The following MBTPS2 variants were observed in gnomAD, a reference collection of about 807,000 sequenced individuals.
The protein encoded by MBTPS2 is membrane-bound transcription factor site-2 protease.
MBTPS2 carries 2 observed loss-of-function variants against 35.4 expected under a neutral mutation model. The ratio of observed to expected loss-of-function variants is 0.06; its 90% confidence interval spans 0.02 to 0.18. The LOEUF is 0.18. Among genes scored for constraint, MBTPS2 ranks in the 10% least tolerant of loss-of-function variants. MBTPS2 has a pLI of 1.00. For synonymous variants in MBTPS2, 125 were observed against 140.4 expected, an observed-to-expected ratio of 0.89 and a Z score of 0.77; for missense variants, 244 against 386.5, an observed-to-expected ratio of 0.63 and a Z score of 3.09.
chrX:21,862,704 T>G (rs374166593), intron 5 of MBTPS2, among the ~76,000 whole-genome samples: 17 of 102,043 alleles, frequency 1.7e-4, no homozygotes, highest in African/African-American at 6.0e-4. Flanking sequence ...CCAGCTACTC[T>G]GGAGGCTGAG....
At chrX:21,862,968 A>AT (rs1569325859) in intron 5 of MBTPS2, among the ~76,000 whole-genome samples, 26 of 67,095 alleles carry the variant, frequency 3.9e-4, no homozygotes, top group African/African-American at 9.3e-4. Context: ...ATATATATAT[A>AT]AAACCGACTG....
At chrX:21,869,947 G>A in intron 7 of MBTPS2, 1 of 288,119 alleles carries the variant, frequency 3.5e-6, no homozygotes, top group Non-Finnish European at 6.2e-6. Context: ...CAAAACACTT[G>A]TATTAAATCA....
Position 21,883,706 on chromosome X carries a change from T to C in MBTPS2, c.*1051T>C. The C allele has an allele frequency of 1.3e-6, 1 of 754,201 alleles. No homozygotes were observed. Among genetic ancestry groups the C allele is most frequent in the Non-Finnish European group, 1.6e-6 (1 of 639,253 alleles). The allele number at this position is 754,201 out of a possible 1,213,427, so 62.2% of individuals were successfully genotyped here. On this transcript the variant is annotated 3_prime_UTR_variant, in exon 11 of 11. Coordinates refer to ENST00000379484, the MANE Select transcript of MBTPS2 (RefSeq NM_015884.4). The stretch of plus-strand genomic sequence containing the variant: ...TATTAAGTACCTAGTCCTTGTTTTC[T>C]GTCTCTCTCCTAAGCTACCTCTCTG...
intron 5 of MBTPS2, among the ~76,000 whole-genome samples, chrX:21,855,683 C>T (rs1232834427): frequency 9.0e-6 from 1 of 110,736 alleles, no homozygotes; most frequent in East Asian, 2.8e-4. Context: ...CCTCCTGCCT[C>T]GGCCTCCCAA....
At chrX:21,857,838 T>C in intron 5 of MBTPS2, 1 of 327,870 alleles carries the variant, frequency 3.0e-6, no homozygotes, top group South Asian at 1.4e-4. Flanking sequence ...TCTGTAACTA[T>C]TTTTGTAAAG....
At chrX:21,864,035 C>A (rs6633468) in intron 5 of MBTPS2, among the ~76,000 whole-genome samples, 1 of 112,036 alleles carries the variant, frequency 8.9e-6, no homozygotes, top group East Asian at 2.8e-4. Context: ...ACGTGGGAAA[C>A]CTGTGTGTTC....
Position 21,880,826 on chromosome X carries a change from T to C in MBTPS2, c.1262-71T>C, listed in dbSNP as rs1044407363. 20 of 748,646 alleles carry C rather than the reference T, an allele frequency of 2.7e-5. No individual in the cohort carries two copies. The East Asian group carries it at 3.2e-4, about 12-fold the overall frequency. 61.7% of individuals were successfully genotyped at this position (748,646 alleles called of 1,213,427 possible). The stretch of plus-strand genomic sequence containing the variant: ...TCTGCTAGCCCAATTTTTAACCATA[T>C]GGTAGAATTCATAATGCTGTTGATT... On this transcript the variant is annotated intron_variant, in intron 9 of 10. Transcript: ENST00000379484.
intron 5 of MBTPS2, chrX:21,856,661 G>A (rs981417085): frequency 7.4e-6 from 9 of 1,210,145 alleles, no homozygotes; most frequent in Admixed American, 2.2e-5. Flanking sequence ...ATCCGCCATT[G>A]ATGGTGTTGC....
At chrX:21,840,597 G>T (rs1204297603) in intron 1 of MBTPS2, among the ~76,000 whole-genome samples, 2 of 111,710 alleles carry the variant, frequency 1.8e-5, no homozygotes, top group Non-Finnish European at 3.8e-5. Flanking sequence ...TGAGTACTGG[G>T]GGGTAGGGGA....
chrX:21,857,259 A>G (rs1324351038), intron 5 of MBTPS2: 1 of 1,210,154 alleles, frequency 8.3e-7, no homozygotes, highest in Non-Finnish European at 1.1e-6. Context: ...TTGCTCTTAT[A>G]GCGGCTGCGA....
At position 21,885,261 on chromosome X, in the gene MBTPS2, A is replaced by C. The variant is rs2092963508; in HGVS notation, c.*2606A>C. On this transcript the variant is annotated 3_prime_UTR_variant, in exon 11 of 11. Coordinates refer to ENST00000379484, the MANE Select transcript of MBTPS2 (RefSeq NM_015884.4). ...CTCAGTCATCACTTTGTCCTATGGT[A>C]TTTATTGAATGTTCACATACTAATG... The C allele has an allele frequency of 1.3e-6, 1 of 749,343 alleles. No individual in the cohort carries two copies. The highest frequency in any genetic ancestry group is 8.9e-5 in the Admixed American group (1 of 11,272). The allele number at this position is 749,343 out of a possible 1,213,427, so 61.8% of individuals were successfully genotyped here.
At chrX:21,857,680 T>C (rs2092925203) in intron 5 of MBTPS2, 1 of 1,011,809 alleles carries the variant, frequency 9.9e-7, no homozygotes, top group African/African-American at 2.2e-5. Context: ...TCTCAAAGCT[T>C]TGTATGTTGT....
In MBTPS2 at chrX:21,885,346, T is replaced by C; in HGVS notation, c.*2691T>C. 4.0e-6 allele frequency: 3 copies of C among 748,333 alleles called. No individual in the cohort carries two copies. Among genetic ancestry groups the C allele is most frequent in the Non-Finnish European group, 4.7e-6 (3 of 633,699 alleles). The allele number at this position is 748,333 out of a possible 1,213,427, so 61.7% of individuals were successfully genotyped here. ...TGTCCTGTAATTCATTCTTAAGCTT[T>C]AACTTGAAGGTATCGTAATTGCCGG... On this transcript the variant is annotated 3_prime_UTR_variant, in exon 11 of 11. Transcript: ENST00000379484.
rs2092955614 is a variant in MBTPS2 at position 21,878,618 on chromosome X, G to A, written c.1187G>A (p.Arg396His). The A allele has an allele frequency of 2.5e-6, 3 of 1,206,291 alleles. No individual in the cohort carries two copies. Among genetic ancestry groups the A allele is most frequent in the Non-Finnish European group, 3.4e-6 (3 of 891,090 alleles). ...ATACCTTCTTTGGAAACTCACACTC[G>A]CTTAATAAAAGTAAAACACCCACCT... The part of the protein sequence containing the change: ...CIIPSLETHT[R>H]LIKVKHPPQI... Residue 396 changes from arginine (R) to histidine (H), a missense_variant, in exon 9 of 11, where the codon CGC (arginine) becomes CAC (histidine). By Grantham distance (29) the Arg-to-His change is conservative. Transcript: ENST00000379484.
At chrX:21,879,946 A>ATTTTTTTTTTTTT (rs1569329172) in intron 9 of MBTPS2, among the ~76,000 whole-genome samples, 10 of 40,528 alleles carry the variant, frequency 2.5e-4, no homozygotes, top group African/African-American at 3.8e-4. Context: ...GTTTTATGTT[A>ATTTTTTTTTTTTT]TTCTTTTTTT....
chrX:21,856,348 CTGCAGCTCGCGCCTT>C (rs1411564173), intron 5 of MBTPS2: 9 of 593,405 alleles, frequency 1.5e-5, no homozygotes, highest in South Asian at 5.6e-5. Flanking sequence ...GCGCCTTTCT[CTGCAGCTCGCGCCTT>C]TCTCTGCAGC....
At chrX:21,861,335 A>G (rs952985820) in intron 5 of MBTPS2, among the ~76,000 whole-genome samples, 1 of 111,697 alleles carries the variant, frequency 9.0e-6, no homozygotes, top group African/African-American at 3.2e-5. Flanking sequence ...AATTTTTCAT[A>G]CCCTTGCAGA....
intron 5 of MBTPS2, chrX:21,856,858 C>T (rs752412245): frequency 8.3e-7 from 1 of 1,209,711 alleles, no homozygotes; most frequent in African/African-American, 1.8e-5. Flanking sequence ...TCTCTGTCGG[C>T]CTCGGCGGCA....
In MBTPS2 at chrX:21,878,120, A is replaced by G; in HGVS notation, c.1049A>G (p.Asn350Ser). Residue 350 changes from asparagine (N) to serine (S), a missense_variant, in exon 8 of 11, where the codon AAT (asparagine) becomes AGT (serine). Physicochemically the swap from Asn to Ser is conservative, Grantham distance 46 (BLOSUM62 1). Transcript: ENST00000379484. ...LTDVCFSYRN[N>S]FNKRLHTCLP... ...GATGTGTGCTTTTCCTACAGAAATAATTTTAATAAGCGTTTGGTAAGTTGT... is the reference window on the plus strand; with the variant it reads ...GATGTGTGCTTTTCCTACAGAAATAGTTTTAATAAGCGTTTGGTAAGTTGT... 1 of 1,200,810 alleles carries G rather than the reference A, an allele frequency of 8.3e-7. No homozygotes were observed. Among genetic ancestry groups the G allele is most frequent in the Non-Finnish European group, 1.1e-6 (1 of 885,467 alleles).
Sources: gnomAD v4.1 joint callset for allele counts (sites outside exome capture counted in the v4.1 genomes callset) on GRCh38, gnomAD v4.1.1 for gene constraint, MANE v1.5 for transcripts, NCBI Gene and HGNC (gene_info 2026-07-23, HGNC 2026-07-21) for gene names.